The following RBFOX1 variants were observed in gnomAD, a reference collection of about 807,000 sequenced individuals.
RBFOX1 encodes the protein RNA binding fox-1 homolog 1.
Under a neutral mutation model 57.7 loss-of-function variants are expected in RBFOX1, and 8 were observed. The ratio of observed to expected loss-of-function variants is 0.14; its 90% CI spans 0.08 to 0.25. The LOEUF (loss-of-function observed/expected upper bound fraction) is 0.25. Among genes scored for constraint, RBFOX1 ranks in the 10% least tolerant of loss-of-function variants. The pLI, the probability that RBFOX1 is intolerant of heterozygous loss-of-function variation, is 1.00. For synonymous variants in RBFOX1, 326 were observed against 222.4 expected (o/e 1.47, Z -4.15); for missense variants, 611 against 548.5 (o/e 1.11, Z -1.14).
intron 3 of RBFOX1, among the ~76,000 whole-genome samples, chr16:5,809,996 T>A (rs1206013230): frequency 6.6e-6 from 1 of 151,986 alleles, no homozygotes; most frequent in Non-Finnish European, 1.5e-5. Flanking sequence ...TATGCAGCCA[T>A]AAAAAAGGAT....
chr16:7,219,165 C>G (rs2092520611), intron 4 of RBFOX1, among the ~76,000 whole-genome samples: 1 of 152,120 alleles, frequency 6.6e-6, no homozygotes, highest in Non-Finnish European at 1.5e-5. Context: ...AATTCACCCC[C>G]ATGAAAATGG....
At chr16:5,391,689 G>T (rs901024659) in intron 1 of RBFOX1, among the ~76,000 whole-genome samples, 1 of 152,030 alleles carries the variant, frequency 6.6e-6, no homozygotes, top group Non-Finnish European at 1.5e-5. Flanking sequence ...AGGATCACAG[G>T]TAGTGTCTTC....
chr16:7,307,888 A>C (rs779915032), intron 4 of RBFOX1, among the ~76,000 whole-genome samples: 3 of 152,182 alleles, frequency 2.0e-5, no homozygotes, highest in Admixed American at 6.5e-5. Context: ...TCCTTTCCTG[A>C]GTGGCTTCAT....
chr16:5,588,754 G>T (rs913952976), intron 2 of RBFOX1, among the ~76,000 whole-genome samples: 2 of 152,150 alleles, frequency 1.3e-5, no homozygotes, highest in African/African-American at 2.4e-5. Context: ...TGAGGGTCGG[G>T]GGGAAATGGA....
chr16:7,027,116 G>T (rs557196111), intron 3 of RBFOX1, among the ~76,000 whole-genome samples: 1 of 152,146 alleles, frequency 6.6e-6, no homozygotes, highest in Non-Finnish European at 1.5e-5. Context: ...TCTCCTAAAC[G>T]CTTTCTATGC....
chr16:5,472,534 C>T (rs1410900581), intron 2 of RBFOX1, among the ~76,000 whole-genome samples: 1 of 152,104 alleles, frequency 6.6e-6, no homozygotes, highest in African/African-American at 2.4e-5. Flanking sequence ...AATGCTATCC[C>T]AGGGGTCAGG....
intron 3 of RBFOX1, among the ~76,000 whole-genome samples, chr16:6,894,088 TGATA>T (rs140127420): frequency 0.02 from 3,101 of 152,286 alleles, 64 homozygotes; most frequent in African/African-American, 0.045. Flanking sequence ...CTGGATCGAT[TGATA>T]GATAGACGAA....
chr16:6,576,147 G>A (rs2097432264), intron 2 of RBFOX1, among the ~76,000 whole-genome samples: 1 of 152,008 alleles, frequency 6.6e-6, no homozygotes, highest in Non-Finnish European at 1.5e-5. Context: ...TTTTTATTTG[G>A]CAGTCGTGAG....
intron 1 of RBFOX1, among the ~76,000 whole-genome samples, chr16:6,190,699 C>T (rs2097136077): frequency 6.6e-6 from 1 of 152,154 alleles, no homozygotes; most frequent in Admixed American, 6.5e-5. Flanking sequence ...TTGACTTAGT[C>T]TCTGTTGGTC....
At chr16:7,031,425 G>A (rs368803593) in intron 3 of RBFOX1, among the ~76,000 whole-genome samples, 11 of 151,726 alleles carry the variant, frequency 7.2e-5, no homozygotes, top group African/African-American at 4.8e-5. Flanking sequence ...GTGAAACCCC[G>A]TCTCTACTAA....
At chr16:5,899,092 C>G (rs1029556612) in intron 4 of RBFOX1, among the ~76,000 whole-genome samples, 2 of 142,382 alleles carry the variant, frequency 1.4e-5, no homozygotes, top group African/African-American at 5.3e-5. Flanking sequence ...AAGCCCTTCT[C>G]AGTAGTTGCA....
At chr16:5,244,684 G>C (rs994644987) in intron 1 of RBFOX1, among the ~76,000 whole-genome samples, 1 of 152,246 alleles carries the variant, frequency 6.6e-6, no homozygotes, top group Non-Finnish European at 1.5e-5. Context: ...CTTGTAATTT[G>C]TGAGGCAGGC....
chr16:6,281,981 G>C (rs1250170912), intron 1 of RBFOX1, among the ~76,000 whole-genome samples: 1 of 152,164 alleles, frequency 6.6e-6, no homozygotes, highest in African/African-American at 2.4e-5. Context: ...AAACGGGTGA[G>C]CGTTTGTTAT....
At chr16:5,565,679 G>T (rs2046043405) in intron 2 of RBFOX1, among the ~76,000 whole-genome samples, 1 of 149,266 alleles carries the variant, frequency 6.7e-6, no homozygotes, top group Non-Finnish European at 1.5e-5. Flanking sequence ...TAATTTGCAA[G>T]TCGTTTTCCC....
At chr16:5,728,848 A>C (rs752613832) in intron 3 of RBFOX1, among the ~76,000 whole-genome samples, 5 of 152,134 alleles carry the variant, frequency 3.3e-5, no homozygotes, top group Non-Finnish European at 7.4e-5. Flanking sequence ...GATCACCTTT[A>C]AGTCTGCCCA....
At chr16:7,019,566 A>C (rs1408450532) in intron 3 of RBFOX1, among the ~76,000 whole-genome samples, 1 of 152,150 alleles carries the variant, frequency 6.6e-6, no homozygotes, top group South Asian at 2.1e-4. Context: ...GTTACTTTAC[A>C]GTTCGAATGA....
intron 1 of RBFOX1, among the ~76,000 whole-genome samples, chr16:5,267,189 C>G (rs1435680982): frequency 6.6e-6 from 1 of 152,164 alleles, no homozygotes; most frequent in Non-Finnish European, 1.5e-5. Context: ...ATTGAGCTTT[C>G]CAAATGGACT....
intron 4 of RBFOX1, among the ~76,000 whole-genome samples, chr16:7,506,868 C>A (rs950622211): frequency 6.6e-6 from 1 of 152,112 alleles, no homozygotes; most frequent in African/African-American, 2.4e-5. Context: ...AACACACATC[C>A]CTTCTTCCTG....
chr16:7,521,109 G>C (rs1009674521), intron 5 of RBFOX1, among the ~76,000 whole-genome samples: 36 of 150,950 alleles, frequency 2.4e-4, no homozygotes, highest in Non-Finnish European at 3.8e-4. Context: ...TGTAGTCTGA[G>C]AGCATTTCTT....
Sources: gnomAD v4.1 joint callset for allele counts (sites outside exome capture counted in the v4.1 genomes callset) on GRCh38, gnomAD v4.1.1 for gene constraint, MANE v1.5 for transcripts, NCBI Gene and HGNC (gene_info 2026-07-23, HGNC 2026-07-21) for gene names.